Variants in CARD8 observed in about 807,000 individuals in gnomAD.
The protein encoded by CARD8 is caspase recruitment domain-containing protein 8.
A neutral mutation model predicts 53.2 loss-of-function variants in CARD8; 38 were observed. The ratio of observed to expected loss-of-function variants is 0.71; its 90% CI spans 0.55 to 0.94. The LOEUF is 0.94. Among genes scored for constraint, CARD8 ranks in the 40% least tolerant of loss-of-function variants. The pLI is 0.00. For missense variants in CARD8, 561 were observed against 655.5 expected, an observed-to-expected ratio of 0.86 and a Z score of 1.57; for synonymous variants, 245 against 244.9, an observed-to-expected ratio of 1.00 and a Z score of 0.00.
At chr19:48,231,276 C>T (rs1056173923) in intron 8 of CARD8, among the ~76,000 whole-genome samples, 4 of 151,928 alleles carry the variant, frequency 2.6e-5, no homozygotes, top group African/African-American at 7.3e-5. Context: ...GGGATGGAAC[C>T]GATACGCTTC....
intron 5 of CARD8, among the ~76,000 whole-genome samples, chr19:48,237,563 G>C (rs574827332): frequency 1.4e-4 from 21 of 152,122 alleles, no homozygotes; most frequent in African/African-American, 5.1e-4. Context: ...TTGGGAGGCT[G>C]AGGCAGGAGG....
downstream of CARD8, among the ~76,000 whole-genome samples, chr19:48,207,737 T>TTTTTTTTTTTG (rs1568595582): frequency 1.1e-5 from 1 of 93,036 alleles, no homozygotes; most frequent in Non-Finnish European, 2.4e-5. Flanking sequence ...TTTTTCTGTT[T>TTTTTTTTTTTG]TTTTTTTTTT....
At chr19:48,238,353 A>AT (rs765888799) in intron 5 of CARD8, 30 bp downstream of exon 5, 128 of 1,529,382 alleles carry the variant, frequency 8.4e-5, no homozygotes, top group Non-Finnish European at 3.7e-5. Context: ...CAAATCTTTA[A>AT]TTTTTTCCCA....
Position 48,218,928 on chromosome 19 carries a change from G to A in CARD8, c.1246C>T (p.Leu416Phe). 1 of 1,613,996 alleles carries A rather than the reference G, an allele frequency of 6.2e-7. No homozygotes were observed. The highest frequency in any genetic ancestry group is 8.5e-7 in the Non-Finnish European group (1 of 1,179,902). Residue 416 changes from leucine to phenylalanine, a missense_variant, in exon 12 of 14, where the codon CTT becomes TTT. Leu to Phe is a conservative substitution (Grantham distance 22). Transcript: ENST00000651546. ...CCATGTCTTTTTTCAGTAATCTCAA[G>A]TTGAATGGGTTCCTTCATCTGCCCA... is the stretch of plus-strand genomic sequence containing the variant. ...YAGQMKEPIQLEITEKRHGTL... is the reference protein window; with the variant it reads ...YAGQMKEPIQFEITEKRHGTL...
At chr19:48,218,789 C>A in intron 12 of CARD8, 82 bp downstream of exon 12, 1 of 1,418,288 alleles carries the variant, frequency 7.1e-7, no homozygotes, top group South Asian at 1.2e-5. Context: ...GAACCATAAA[C>A]AAGATTTCTT....
rs905642942 is a variant in CARD8, at chr19:48,219,129, G to A, written c.1162-117C>T. ...CCTGTGCAATGTCATGGCTGGTTGA[G>A]TGGGAAACAGAGGGAGAGAGGTAAA... On this transcript the variant is annotated intron_variant, in intron 11 of 13. Transcript: ENST00000651546. The A allele has an allele frequency of 8.0e-6, 7 of 869,962 alleles. No individual in the cohort carries two copies. The African/African-American group carries it at 8.4e-5, about 10-fold the overall frequency. 53.9% of individuals were successfully genotyped at this position (869,962 alleles called of 1,614,324 possible). A position where few individuals can be genotyped will look rare whatever the true frequency, so the allele number is the denominator to read the frequency against.
In CARD8 at chr19:48,238,464, AAC is replaced by A. The variant is rs1242840054; in HGVS notation, c.126_127del (p.Leu43GlyfsTer2). On this transcript the variant is annotated frameshift_variant, in exon 5 of 14. Transcript: ENST00000651546. LOFTEE classifies it high-confidence loss of function. Reference sequence around the variant, plus strand: ...CAGTTCCCGTATGCTATTGTCAACCAACAGTTTCCGTGATCCTTGTAGTCTAA... The same window carrying A: ...CAGTTCCCGTATGCTATTGTCAACCAAGTTTCCGTGATCCTTGTAGTCTAA... 2 of 1,536,212 alleles carry A rather than the reference AAC, an allele frequency of 1.3e-6. No homozygotes were observed. Among genetic ancestry groups the A allele is most frequent in the African/African-American group, 2.7e-5 (2 of 73,044 alleles).
At chr19:48,226,071 A>C (rs979573747) in intron 10 of CARD8, among the ~76,000 whole-genome samples, 5 of 151,724 alleles carry the variant, frequency 3.3e-5, no homozygotes, top group Non-Finnish European at 7.4e-5. Flanking sequence ...AAAAAAAAAA[A>C]AGCCATGGCC....
intron 10 of CARD8, among the ~76,000 whole-genome samples, chr19:48,224,787 G>A (rs976979276): frequency 4.9e-5 from 7 of 141,870 alleles, no homozygotes; most frequent in African/African-American, 1.1e-4. Flanking sequence ...ATGGAGTCTC[G>A]CTCTGTCGCC....
At chr19:48,241,625 T>A (rs2045121976) in intron 3 of CARD8, among the ~76,000 whole-genome samples, 1 of 152,170 alleles carries the variant, frequency 6.6e-6, no homozygotes, top group African/African-American at 2.4e-5. Flanking sequence ...AACAGGAACT[T>A]CTAAAGATTC....
Position 48,234,486 on chromosome 19 carries a change from G to GA in CARD8, c.266dup (p.Gln90ProfsTer4), listed in dbSNP as rs769053445. The GA allele has an allele frequency of 1.1e-5, 18 of 1,613,382 alleles. No homozygotes were observed. Among genetic ancestry groups the GA allele is most frequent in the African/African-American group, 1.3e-5 (1 of 74,854 alleles). ...CTGCCTCTGTCTCATCATCTTCTTG[G>GA]AAAAAATGTGAGATGTCACAAAGGG... On this transcript the variant is annotated frameshift_variant, in exon 6 of 14. Coordinates refer to ENST00000651546, the MANE Select transcript of CARD8 (RefSeq NM_001184900.3). LOFTEE classifies it high-confidence loss of function.
rs1250955372 is a variant in CARD8 at position 48,210,878 on chromosome 19, A to G, written c.*832T>C. On this transcript the variant is annotated 3_prime_UTR_variant, in exon 14 of 14. Coordinates refer to ENST00000651546, the MANE Select transcript of CARD8 (RefSeq NM_001184900.3). ...AAACATTAATCAAAAGACAGCTGAA[A>G]TGGCTACAAAATGACAGAGTCTATG... is the stretch of plus-strand genomic sequence containing the variant. The G allele has an allele frequency of 6.6e-6, 1 of 152,418 alleles. No homozygotes were observed. The highest frequency in any genetic ancestry group is 2.4e-5 in the African/African-American group (1 of 41,470). The allele number at this position is 152,418 out of a possible 1,614,324, so 9.4% of individuals were successfully genotyped here.
chr19:48,234,586 G>A (rs771843523), intron 5 of CARD8, 43 bp from the exon 6 acceptor site: 2 of 1,575,550 alleles, frequency 1.3e-6, no homozygotes, highest in Middle Eastern at 1.7e-4. Flanking sequence ...TATAAGGTAG[G>A]TGCCTGATGA....
At chr19:48,208,034 C>T (rs1278331029), downstream of CARD8, 1 of 152,050 alleles carries the variant, frequency 6.6e-6, no homozygotes, top group Non-Finnish European at 1.5e-5. Context: ...CTGCATCCGG[C>T]CTTCTATTTT....
chr19:48,217,138 T>C (rs2039488303), intron 12 of CARD8, among the ~76,000 whole-genome samples: 1 of 152,018 alleles, frequency 6.6e-6, no homozygotes, highest in Non-Finnish European at 1.5e-5. Context: ...CAGGCGGTAA[T>C]GCAAGCAATG....
intron 3 of CARD8, among the ~76,000 whole-genome samples, chr19:48,245,455 C>T (rs1296630701): frequency 2.0e-5 from 3 of 152,048 alleles, no homozygotes; most frequent in Admixed American, 6.6e-5. Context: ...TCAGGTGATC[C>T]GCCCACCTCA....
At chr19:48,228,400 T>C (rs73572987) in intron 10 of CARD8, among the ~76,000 whole-genome samples, 6,065 of 152,236 alleles carry the variant, frequency 0.04, 393 homozygotes, top group African/African-American at 0.13. Context: ...ACTGCTGTTA[T>C]AGAAGAGTGT....
chr19:48,227,848 G>T (rs1336585214), intron 10 of CARD8, among the ~76,000 whole-genome samples: 1 of 151,938 alleles, frequency 6.6e-6, no homozygotes, highest in Non-Finnish European at 1.5e-5. Context: ...GGGAAATTGG[G>T]ATAATATGGT....
Position 48,211,638 on chromosome 19 carries a change from A to G in CARD8, c.*72T>C. ...TCTGTCTTGAACACTGAAATCAATG[A>G]TCACATTTCTGTTTATCCATTTCCA... On this transcript the variant is annotated 3_prime_UTR_variant, in exon 14 of 14. Coordinates refer to ENST00000651546, the MANE Select transcript of CARD8 (RefSeq NM_001184900.3). The G allele has an allele frequency of 2.1e-6, 3 of 1,421,420 alleles. No homozygotes were observed. The highest frequency in any genetic ancestry group is 1.9e-6 in the Non-Finnish European group (2 of 1,032,468). The allele number at this position is 1,421,420 out of a possible 1,614,324, so 88.1% of individuals were successfully genotyped here. A position where few individuals can be genotyped will look rare whatever the true frequency, so the allele number is the denominator to read the frequency against.
Sources: allele counts gnomAD v4.1 joint callset (sites outside exome capture counted in the v4.1 genomes callset), GRCh38; gene constraint gnomAD v4.1.1; transcripts MANE v1.5; gene names NCBI Gene and HGNC (gene_info 2026-07-23, HGNC 2026-07-21).